The following AIG1 variants were observed in gnomAD, a reference collection of about 807,000 sequenced individuals.
AIG1 encodes the protein androgen induced 1.
A neutral mutation model predicts 31.4 loss-of-function variants in AIG1; 23 were observed. The ratio of observed to expected loss-of-function variants is 0.73; its 90% confidence interval spans 0.53 to 1.04. The LOEUF (loss-of-function observed/expected upper bound fraction) is 1.04, where lower values mean the gene tolerates loss of function less well. AIG1 is among the 50% of genes least tolerant of loss of function. The pLI is 0.00. For missense variants in AIG1, 274 were observed against 295.0 expected, an observed-to-expected ratio of 0.93 and a Z score of 0.52; for synonymous variants, 100 against 110.5, an observed-to-expected ratio of 0.90 and a Z score of 0.60.
At chr6:143,308,194 G>T (rs11755388) in intron 4 of AIG1, among the ~76,000 whole-genome samples, 1 of 152,078 alleles carries the variant, frequency 6.6e-6, no homozygotes, top group African/African-American at 2.4e-5. Context: ...TTCGGCTCGC[G>T]CACGGTGCGC....
At chr6:143,188,375 G>T in intron 3 of AIG1, 1 of 985,426 alleles carries the variant, frequency 1.0e-6, no homozygotes, top group Non-Finnish European at 1.2e-6. Context: ...TCGCCTGATT[G>T]CACTTCTCAT....
At chr6:143,061,170 G>T in intron 1 of AIG1, 104 bp downstream of exon 1, 2 of 1,409,670 alleles carry the variant, frequency 1.4e-6, no homozygotes, top group East Asian at 2.4e-5. Flanking sequence ...ACCTGCGCAC[G>T]TGCGCGCCTC....
chr6:143,060,823 C>T (rs1267531391), upstream of AIG1: 1 of 401,558 alleles, frequency 2.5e-6, no homozygotes, highest in East Asian at 1.8e-4. Context: ...CGCCCCGCGC[C>T]CGCGCCCGCG....
At chr6:143,142,082 CTT>C (rs1169039626) in intron 2 of AIG1, among the ~76,000 whole-genome samples, 2 of 151,956 alleles carry the variant, frequency 1.3e-5, no homozygotes, top group Admixed American at 1.3e-4. Context: ...AACTTTCTGT[CTT>C]TGTTTTATAG....
At chr6:143,318,271 G>C (rs1292422774) in intron 4 of AIG1, among the ~76,000 whole-genome samples, 1 of 152,124 alleles carries the variant, frequency 6.6e-6, no homozygotes, top group South Asian at 2.1e-4. Flanking sequence ...CATGGTACTG[G>C]TATAAAAATA....
chr6:143,321,632 C>T (rs183133312), intron 4 of AIG1, among the ~76,000 whole-genome samples: 231 of 152,050 alleles, frequency 1.5e-3, no homozygotes, highest in African/African-American at 5.1e-3. Flanking sequence ...TAGAAGGAAC[C>T]GCTGAAAGGG....
At chr6:143,289,339 A>T (rs1797897725) in intron 4 of AIG1, among the ~76,000 whole-genome samples, 1 of 152,060 alleles carries the variant, frequency 6.6e-6, no homozygotes, top group South Asian at 2.1e-4. Flanking sequence ...TGCCCCAAAG[A>T]GTTTGTTTTG....
In AIG1 at chr6:143,334,507, G is replaced by T. The variant is rs538416671; in HGVS notation, c.679+1062G>T. ...TTAAATGGCGCAGAGGAATTTGAGGGTTTCTTTTCTCATCAGCTTTTGATT... is the reference window on the plus strand; with the variant it reads ...TTAAATGGCGCAGAGGAATTTGAGGTTTTCTTTTCTCATCAGCTTTTGATT... On this transcript the variant is annotated intron_variant, in intron 5 of 5. Coordinates refer to ENST00000357847, the MANE Select transcript of AIG1 (RefSeq NM_016108.4). The surrounding 1 kb of genome is among the most constrained non-coding windows in gnomAD (Gnocchi z 5.1). 1.1e-4 allele frequency among the ~76,000 whole-genome samples: 16 copies of T among 152,262 alleles called. No individual in the cohort carries two copies. Among genetic ancestry groups the T allele is most frequent in the Middle Eastern group, 3.4e-3 (1 of 294 alleles).
At chr6:143,304,958 G>A (rs976259423) in intron 4 of AIG1, among the ~76,000 whole-genome samples, 9 of 152,060 alleles carry the variant, frequency 5.9e-5, no homozygotes, top group African/African-American at 2.2e-4. Context: ...GTCCTGGGAG[G>A]GTGTATGTGT....
At chr6:143,177,039 A>G (rs562709387) in intron 3 of AIG1, among the ~76,000 whole-genome samples, 6 of 152,294 alleles carry the variant, frequency 3.9e-5, no homozygotes, top group Admixed American at 3.9e-4. Context: ...TTTTAAAAGA[A>G]CTGCCTTCAA....
chr6:143,085,434 A>G (rs1778674367), intron 1 of AIG1, among the ~76,000 whole-genome samples: 1 of 152,108 alleles, frequency 6.6e-6, no homozygotes, highest in Non-Finnish European at 1.5e-5. Context: ...TTTCTTGACC[A>G]CAAAGAAAGG....
At chr6:143,183,474 G>A (rs953818895) in intron 3 of AIG1, among the ~76,000 whole-genome samples, 4 of 152,166 alleles carry the variant, frequency 2.6e-5, no homozygotes, top group Non-Finnish European at 5.9e-5. Context: ...GGTTACAGGC[G>A]TGAGACACCA....
chr6:143,066,617 T>A (rs987626989), intron 1 of AIG1, among the ~76,000 whole-genome samples: 2 of 152,200 alleles, frequency 1.3e-5, no homozygotes, highest in Admixed American at 6.5e-5. Context: ...TGACTTTCAC[T>A]GTGATATAAC....
intron 1 of AIG1, among the ~76,000 whole-genome samples, chr6:143,113,183 C>G (rs1176700190): frequency 6.7e-6 from 1 of 149,182 alleles, no homozygotes; most frequent in African/African-American, 2.5e-5. Flanking sequence ...AGAGCAAGAC[C>G]CTGAAAGACC....
rs1400838529 is a variant in AIG1 at position 143,334,626 on chromosome 6, C to T, written c.679+1181C>T. Among the ~76,000 whole-genome samples the T allele has an allele frequency of 6.6e-6, 1 of 152,156 alleles. No individual in the cohort carries two copies. Among genetic ancestry groups the T allele is most frequent in the African/African-American group, 2.4e-5 (1 of 41,426 alleles). The stretch of plus-strand genomic sequence containing the variant: ...AGACACTAATCTTTTAATAATGTTC[C>T]ACCTGTTCAATGGAAATAGTGATCT... On this transcript the variant is annotated intron_variant, in intron 5 of 5. Coordinates refer to ENST00000357847, the MANE Select transcript of AIG1 (RefSeq NM_016108.4). This position sits in a 1 kb window ranked among gnomAD's most constrained non-coding sequence, Gnocchi z 5.1.
At chr6:143,185,577 A>G (rs193119312) in intron 3 of AIG1, among the ~76,000 whole-genome samples, 2 of 152,178 alleles carry the variant, frequency 1.3e-5, no homozygotes, top group African/African-American at 2.4e-5. Context: ...TCCCCTGCCT[A>G]TCCCTTATTT....
chr6:143,184,849 A>G (rs549626723), intron 3 of AIG1, among the ~76,000 whole-genome samples: 1 of 152,230 alleles, frequency 6.6e-6, no homozygotes, highest in Admixed American at 6.5e-5. Context: ...GTCTTGTGGA[A>G]AGATGGTCAG....
chr6:143,333,181 A>G lies in AIG1; in HGVS notation c.516-101A>G. 1 of 1,211,352 alleles carries G rather than the reference A, an allele frequency of 8.3e-7. No individual in the cohort carries two copies. The highest frequency in any genetic ancestry group is 1.1e-6 in the Non-Finnish European group (1 of 905,162). 75.0% of individuals were successfully genotyped at this position (1,211,352 alleles called of 1,614,324 possible). ...CGAACTTGAGACTGGCAAATGCTGA[A>G]GCATGGGGAGAGTGAGGGAGTGTAT... On this transcript the variant is annotated intron_variant, in intron 4 of 5. Coordinates refer to ENST00000357847, the MANE Select transcript of AIG1 (RefSeq NM_016108.4). The surrounding 1 kb of genome is among the most constrained non-coding windows in gnomAD (Gnocchi z 4.6).
At chr6:143,245,902 G>A (rs12207891) in intron 3 of AIG1, among the ~76,000 whole-genome samples, 9,577 of 152,204 alleles carry the variant, frequency 0.063, 677 homozygotes, top group East Asian at 0.31. Flanking sequence ...CACAAAGATC[G>A]GGGTTTAGGG....
Sources: gnomAD v4.1 joint callset for allele counts (sites outside exome capture counted in the v4.1 genomes callset) on GRCh38, gnomAD v4.1.1 for gene constraint, Gnocchi (gnomAD v3.1) non-coding constraint, MANE v1.5 for transcripts, NCBI Gene and HGNC (gene_info 2026-07-23, HGNC 2026-07-21) for gene names.